Variants in ASIC2 observed in about 807,000 individuals in gnomAD.
The protein encoded by ASIC2 is acid sensing ion channel subunit 2, also known as acid-sensing ion channel 2.
ASIC2 carries 25 observed loss-of-function variants against 57.3 expected under a neutral mutation model. The ratio of observed to expected loss-of-function variants is 0.44; its 90% CI spans 0.32 to 0.61. The LOEUF is 0.61. ASIC2 is among the 20% of genes least tolerant of loss of function. ASIC2 has a pLI of 0.06. For synonymous variants in ASIC2, 319 were observed against 307.5 expected, an observed-to-expected ratio of 1.04 and a Z score of -0.39; for missense variants, 641 against 738.1, an observed-to-expected ratio of 0.87 and a Z score of 1.52.
intron 1 of ASIC2, among the ~76,000 whole-genome samples, chr17:34,056,665 CTG>C (rs1908776111): frequency 6.6e-6 from 1 of 152,210 alleles, no homozygotes; most frequent in Non-Finnish European, 1.5e-5. Flanking sequence ...GAAGTCCAAA[CTG>C]TGCAAATATA....
chr17:33,908,966 T>C (rs2141957842), intron 1 of ASIC2, among the ~76,000 whole-genome samples: 1 of 152,308 alleles, frequency 6.6e-6, no homozygotes, highest in Non-Finnish European at 1.5e-5. Context: ...CCCTGACTGT[T>C]TTCTTAGTCA....
intron 1 of ASIC2, among the ~76,000 whole-genome samples, chr17:33,222,267 A>G (rs557683690): frequency 6.6e-6 from 1 of 152,384 alleles, no homozygotes; most frequent in South Asian, 2.1e-4. Context: ...TGAAGTACTG[A>G]TATATGCTAC....
intron 1 of ASIC2, among the ~76,000 whole-genome samples, chr17:33,252,816 G>A (rs1908931516): frequency 6.6e-6 from 1 of 151,934 alleles, no homozygotes; most frequent in East Asian, 1.9e-4. Flanking sequence ...GCTTTTCATT[G>A]GGCTATGGCC....
intron 1 of ASIC2, among the ~76,000 whole-genome samples, chr17:33,271,770 C>T (rs1904502467): frequency 6.6e-6 from 1 of 152,238 alleles, no homozygotes; most frequent in Non-Finnish European, 1.5e-5. Flanking sequence ...TATCCACACT[C>T]ATCCAGTCTC....
At chr17:33,700,651 G>A (rs956416451) in intron 1 of ASIC2, among the ~76,000 whole-genome samples, 1 of 152,228 alleles carries the variant, frequency 6.6e-6, no homozygotes, top group Non-Finnish European at 1.5e-5. Flanking sequence ...CACGTAGTAA[G>A]CAAGTAATAG....
chr17:33,851,395 T>C (rs1254731258), intron 1 of ASIC2, among the ~76,000 whole-genome samples: 1 of 152,150 alleles, frequency 6.6e-6, no homozygotes, highest in Non-Finnish European at 1.5e-5. Flanking sequence ...ACTTACTGAC[T>C]GACGTAAGTG....
intron 1 of ASIC2, among the ~76,000 whole-genome samples, chr17:33,730,274 T>C (rs1025255927): frequency 6.6e-6 from 1 of 152,212 alleles, no homozygotes; most frequent in Non-Finnish European, 1.5e-5. Context: ...CCTTTGATTC[T>C]GAGCACAGGG....
chr17:33,175,360 C>A (rs571036694), intron 1 of ASIC2, among the ~76,000 whole-genome samples: 1 of 152,292 alleles, frequency 6.6e-6, no homozygotes, highest in African/African-American at 2.4e-5. Flanking sequence ...TTCCAAAAAG[C>A]AAATCCCGTG....
intron 1 of ASIC2, among the ~76,000 whole-genome samples, chr17:33,567,066 C>A (rs1916257068): frequency 2.0e-5 from 3 of 152,090 alleles, no homozygotes; most frequent in Non-Finnish European, 4.4e-5. Flanking sequence ...TGTGTTCATT[C>A]AAAATTTATG....
In ASIC2 at chr17:33,231,362, C is replaced by A. The variant is rs1254966392; in HGVS notation, c.708+60046G>T. Among the ~76,000 whole-genome samples, 5 of 152,126 alleles carry A rather than the reference C, an allele frequency of 3.3e-5. No homozygotes were observed. In the East Asian group the frequency reaches 9.6e-4, roughly 29 times the overall value. ...AGATTGCGGGTACCTGGAGTCTGGT[C>A]TGGGGAAGGGGGAATGCTCATGGGC... On this transcript the variant is annotated intron_variant, in intron 1 of 9. Coordinates refer to ENST00000225823, the MANE Select transcript of ASIC2 (RefSeq NM_183377.2).
chr17:33,154,622 G>A (rs1904926773), intron 1 of ASIC2, among the ~76,000 whole-genome samples: 1 of 152,186 alleles, frequency 6.6e-6, no homozygotes, highest in Non-Finnish European at 1.5e-5. Context: ...TCCAATGCCT[G>A]CCCTCTATCC....
chr17:33,842,001 G>C (rs577882233), intron 1 of ASIC2, among the ~76,000 whole-genome samples: 1 of 152,154 alleles, frequency 6.6e-6, no homozygotes, highest in African/African-American at 2.4e-5. Flanking sequence ...AGTGGCGGAG[G>C]GCTAGACAAC....
At chr17:33,622,123 C>T (rs776749462) in intron 1 of ASIC2, among the ~76,000 whole-genome samples, 1 of 151,828 alleles carries the variant, frequency 6.6e-6, no homozygotes, top group Non-Finnish European at 1.5e-5. Context: ...AGGTGCCTGG[C>T]ACTGTGCAAG....
intron 1 of ASIC2, among the ~76,000 whole-genome samples, chr17:34,095,255 C>A (rs753156677): frequency 6.6e-6 from 1 of 152,102 alleles, no homozygotes; most frequent in East Asian, 1.9e-4. Context: ...CAGGTGGGCA[C>A]AGTGGATCAG....
chr17:33,771,068 C>T (rs935726934), intron 1 of ASIC2, among the ~76,000 whole-genome samples: 2 of 152,324 alleles, frequency 1.3e-5, no homozygotes, highest in East Asian at 3.9e-4. Flanking sequence ...GAACTAAGAG[C>T]TCTGTCCTCA....
intron 1 of ASIC2, among the ~76,000 whole-genome samples, chr17:33,983,969 C>T (rs1210962426): frequency 6.6e-6 from 1 of 152,192 alleles, no homozygotes; most frequent in African/African-American, 2.4e-5. Context: ...AGCTTGGGCC[C>T]TGGCAGCATG....
intron 1 of ASIC2, among the ~76,000 whole-genome samples, chr17:33,567,872 C>A (rs1414801605): frequency 6.6e-6 from 1 of 151,438 alleles, no homozygotes. Context: ...TTTTTGGTCT[C>A]TCTCCCCCAC....
intron 1 of ASIC2, among the ~76,000 whole-genome samples, chr17:33,624,422 G>T (rs954162689): frequency 1.3e-5 from 2 of 152,218 alleles, no homozygotes; most frequent in Non-Finnish European, 2.9e-5. Context: ...AACAGTAGTT[G>T]GGTGCTCAAG....
intron 1 of ASIC2, among the ~76,000 whole-genome samples, chr17:33,173,084 A>T (rs1301455007): frequency 6.6e-6 from 1 of 152,140 alleles, no homozygotes; most frequent in Non-Finnish European, 1.5e-5. Context: ...AGCATGGAAG[A>T]TGTCTGGCAT....
Sources: gnomAD v4.1 joint callset for allele counts (sites outside exome capture counted in the v4.1 genomes callset) on GRCh38, gnomAD v4.1.1 for gene constraint, MANE v1.5 for transcripts, NCBI Gene and HGNC (gene_info 2026-07-23, HGNC 2026-07-21) for gene names.